Variants in AGBL4 observed in about 807,000 individuals in gnomAD.
AGBL4 encodes the protein cytosolic carboxypeptidase 6.
In AGBL4, 58 loss-of-function variants were observed where a neutral mutation model predicts 66.4. The ratio of observed to expected loss-of-function variants is 0.87; its 90% CI spans 0.71 to 1.09. The LOEUF (loss-of-function observed/expected upper bound fraction) is 1.09, where lower values mean the gene tolerates loss of function less well. Ranked by LOEUF, AGBL4 falls within the 50% of genes least tolerant of loss-of-function variation. AGBL4 has a pLI of 0.00. For missense variants in AGBL4, 579 were observed against 631.0 expected (o/e 0.92, Z 0.88); for synonymous variants, 234 against 222.9 (o/e 1.05, Z -0.44).
rs138460557 is a variant in AGBL4 at position 49,631,273 on chromosome 1, G to A, written c.282+66040C>T. ...TGCCTTTCTAACAAGTCCTGAATCT[G>A]CTTCTCCTCTGAATCCACTCTTCTA... On this transcript the variant is annotated intron_variant, in intron 3 of 13. Transcript: ENST00000371839. 2.2e-3 allele frequency among the ~76,000 whole-genome samples: 341 copies of A among 152,238 alleles called. 4 individuals are homozygous for A. Among genetic ancestry groups the A allele is most frequent in the African/African-American group, 7.9e-3 (328 of 41,544 alleles).
chr1:50,019,265 C>CTT, intron 1 of AGBL4, among the ~76,000 whole-genome samples: 1 of 39,240 alleles, frequency 2.5e-5, no homozygotes, highest in South Asian at 9.6e-4. Context: ...AAAAAATATT[C>CTT]TCTCTCTCTC....
chr1:48,935,462 C>T (rs1383085818), intron 5 of AGBL4, among the ~76,000 whole-genome samples: 1 of 152,094 alleles, frequency 6.6e-6, no homozygotes, highest in East Asian at 1.9e-4. Flanking sequence ...TCGTTATTGG[C>T]AAGGGGAGGT....
At chr1:49,493,803 A>G (rs893159617) in intron 3 of AGBL4, among the ~76,000 whole-genome samples, 2 of 152,068 alleles carry the variant, frequency 1.3e-5, no homozygotes, top group African/African-American at 4.8e-5. Flanking sequence ...CTATTTTTTA[A>G]AATTAAATAA....
chr1:49,911,351 C>T (rs1028648366), intron 1 of AGBL4, among the ~76,000 whole-genome samples: 3 of 152,152 alleles, frequency 2.0e-5, no homozygotes, highest in African/African-American at 7.2e-5. Flanking sequence ...GCTCTAGCAC[C>T]ACCTCTTCAC....
At chr1:49,988,230 C>A (rs1452233064) in intron 1 of AGBL4, among the ~76,000 whole-genome samples, 4 of 152,084 alleles carry the variant, frequency 2.6e-5, no homozygotes, top group African/African-American at 9.7e-5. Context: ...ATTTTAACTT[C>A]TCTAATTATG....
At chr1:49,368,338 T>C (rs1644279098) in intron 3 of AGBL4, among the ~76,000 whole-genome samples, 1 of 152,190 alleles carries the variant, frequency 6.6e-6, no homozygotes. Context: ...AACTAAACTG[T>C]TTTCTATAGA....
At chr1:49,560,082 C>T (rs1009835029) in intron 3 of AGBL4, among the ~76,000 whole-genome samples, 5 of 152,102 alleles carry the variant, frequency 3.3e-5, no homozygotes, top group Non-Finnish European at 7.4e-5. Context: ...TCAAGAACAT[C>T]TACCAGCATC....
intron 2 of AGBL4, among the ~76,000 whole-genome samples, chr1:49,832,318 A>G (rs1403654492): frequency 6.6e-6 from 1 of 151,052 alleles, no homozygotes; most frequent in East Asian, 1.9e-4. Context: ...CCTACAAAGG[A>G]CATGAACTCA....
chr1:50,006,122 G>A (rs1365232713), intron 1 of AGBL4, among the ~76,000 whole-genome samples: 2 of 152,098 alleles, frequency 1.3e-5, no homozygotes, highest in East Asian at 1.9e-4. Context: ...GGCAGATCAC[G>A]AGGTCAGGAG....
chr1:48,660,659 T>C (rs571214537), intron 7 of AGBL4, among the ~76,000 whole-genome samples: 1 of 152,252 alleles, frequency 6.6e-6, no homozygotes, highest in South Asian at 2.1e-4. Context: ...GAAGTATGAA[T>C]TGTGTGTCTC....
At chr1:49,984,642 C>T (rs952711026) in intron 1 of AGBL4, among the ~76,000 whole-genome samples, 7 of 152,202 alleles carry the variant, frequency 4.6e-5, no homozygotes, top group African/African-American at 1.7e-4. Context: ...TGCAGTATGG[C>T]CACCTTGCAG....
At chr1:48,718,981 T>C (rs1294863397) in intron 6 of AGBL4, among the ~76,000 whole-genome samples, 3 of 152,220 alleles carry the variant, frequency 2.0e-5, no homozygotes, top group Non-Finnish European at 4.4e-5. Context: ...ATTCTTGTAC[T>C]GAACGTAATA....
intron 3 of AGBL4, among the ~76,000 whole-genome samples, chr1:49,500,468 A>G (rs1028437823): frequency 6.6e-6 from 1 of 151,558 alleles, no homozygotes; most frequent in Non-Finnish European, 1.5e-5. Context: ...CAATGTCAAG[A>G]AGAATTTTTC....
chr1:49,880,318 G>A (rs1280884170), intron 1 of AGBL4, among the ~76,000 whole-genome samples: 1 of 151,938 alleles, frequency 6.6e-6, no homozygotes, highest in African/African-American at 2.4e-5. Flanking sequence ...TTTGATGATG[G>A]TGATGTACAG....
intron 5 of AGBL4, among the ~76,000 whole-genome samples, chr1:49,016,451 G>T (rs951736560): frequency 2.6e-5 from 4 of 152,192 alleles, no homozygotes; most frequent in Non-Finnish European, 5.9e-5. Flanking sequence ...CCCTGGGAAG[G>T]CAGACTTCAT....
intron 1 of AGBL4, among the ~76,000 whole-genome samples, chr1:49,931,438 G>C (rs1028823334): frequency 6.6e-6 from 1 of 152,148 alleles, no homozygotes; most frequent in African/African-American, 2.4e-5. Context: ...AATCATGATG[G>C]AAGGTGAAGG....
chr1:49,232,275 G>T (rs550194464), intron 4 of AGBL4, among the ~76,000 whole-genome samples: 1 of 152,090 alleles, frequency 6.6e-6, no homozygotes, highest in Non-Finnish European at 1.5e-5. Context: ...ACAGAAACTT[G>T]ATCAGACCCA....
intron 2 of AGBL4, among the ~76,000 whole-genome samples, chr1:49,764,326 G>A (rs1239351409): frequency 1.3e-5 from 2 of 152,078 alleles, no homozygotes; most frequent in African/African-American, 4.8e-5. Flanking sequence ...CCGAATGAAA[G>A]GTTCACAGCA....
chr1:49,643,524 C>T (rs189791991), intron 3 of AGBL4, among the ~76,000 whole-genome samples: 6 of 150,146 alleles, frequency 4.0e-5, no homozygotes, highest in African/African-American at 1.5e-4. Context: ...AAAAAAACAC[C>T]AAAATATATC....
Sources: allele counts gnomAD v4.1 joint callset (sites outside exome capture counted in the v4.1 genomes callset), GRCh38; gene constraint gnomAD v4.1.1; transcripts MANE v1.5; gene names NCBI Gene and HGNC (gene_info 2026-07-23, HGNC 2026-07-21).